Variants in ATP2C2 observed in about 807,000 individuals in gnomAD.
ATP2C2 encodes calcium-transporting ATPase type 2C member 2.
Under a neutral mutation model 110.8 loss-of-function variants are expected in ATP2C2, and 171 were observed. The ratio of observed to expected loss-of-function variants is 1.54; its 90% CI spans 1.36 to 1.75. The LOEUF (loss-of-function observed/expected upper bound fraction) is 1.75, where lower values mean the gene tolerates loss of function less well. Ranked by LOEUF, ATP2C2 falls within the 40% of genes most tolerant of loss-of-function variation. ATP2C2 has a pLI of 0.00. For missense variants in ATP2C2, 1,963 were observed against 1,235.0 expected (o/e 1.59, Z -8.84); for synonymous variants, 804 against 508.4 (o/e 1.58, Z -7.82).
chr16:84,443,194 AAGG>A (rs1046625999), intron 15 of ATP2C2, among the ~76,000 whole-genome samples: 1 of 152,110 alleles, frequency 6.6e-6, no homozygotes, highest in African/African-American at 2.4e-5. Context: ...ACAGGAAAGC[AAGG>A]AGAAGAGAGG....
At chr16:84,402,816 G>A (rs151280603) in intron 2 of ATP2C2, among the ~76,000 whole-genome samples, 569 of 152,248 alleles carry the variant, frequency 3.7e-3, no homozygotes, top group Non-Finnish European at 6.2e-3. Context: ...TAGAATGAAA[G>A]TATTCCCTAC....
chr16:84,434,970 A>G (rs1474283785), intron 11 of ATP2C2, among the ~76,000 whole-genome samples: 3 of 152,234 alleles, frequency 2.0e-5, no homozygotes, highest in Admixed American at 1.3e-4. Flanking sequence ...AGCCTGTGCC[A>G]TAAAACCAAC....
At chr16:84,452,219 A>G in intron 18 of ATP2C2, 128 bp downstream of exon 18, 2 of 1,146,192 alleles carry the variant, frequency 1.7e-6, no homozygotes, top group Non-Finnish European at 2.4e-6. Flanking sequence ...ACAGGCTTAG[A>G]AAAGACGCTG....
intron 17 of ATP2C2, among the ~76,000 whole-genome samples, chr16:84,450,770 G>A (rs1910184924): frequency 6.6e-6 from 1 of 152,048 alleles, no homozygotes; most frequent in Non-Finnish European, 1.5e-5. Context: ...CAAGGCCCAG[G>A]GCAAGCTCAC....
chr16:84,398,612 A>G lies in ATP2C2; in HGVS notation c.210+3A>G. The G allele has an allele frequency of 6.2e-7, 1 of 1,603,040 alleles. No homozygotes were observed. On this transcript the variant is annotated splice_donor_region_variant and intron_variant, in intron 2 of 26. Transcript: ENST00000262429. ...AGGATTTGGCCAGAGCGTTTTGTGTAAGAATTGAATTTGCATCTGGAGCTA... is the reference window on the plus strand; with the variant it reads ...AGGATTTGGCCAGAGCGTTTTGTGTGAGAATTGAATTTGCATCTGGAGCTA...
intron 26 of ATP2C2, chr16:84,462,906 G>T (rs1216036316): frequency 1.3e-5 from 2 of 153,012 alleles, no homozygotes; most frequent in African/African-American, 4.8e-5. Context: ...AGGCTGCAGT[G>T]ACAACGGTCC....
At chr16:84,460,448 G>A (rs1295071268) in intron 23 of ATP2C2, 1 of 684,734 alleles carries the variant, frequency 1.5e-6, no homozygotes, top group Middle Eastern at 2.5e-4. Context: ...CGGGACAGAT[G>A]GAGGGGCACA....
chr16:84,400,322 G>GTT (rs1249570974), intron 2 of ATP2C2, among the ~76,000 whole-genome samples: 4 of 133,426 alleles, frequency 3.0e-5, no homozygotes, highest in Non-Finnish European at 6.1e-5. Flanking sequence ...TGTATTTTTA[G>GTT]TTTTTTGTTG....
chr16:84,442,757 G>T (rs913277410), intron 15 of ATP2C2, among the ~76,000 whole-genome samples, 158 bp downstream of exon 15: 1 of 151,862 alleles, frequency 6.6e-6, no homozygotes, highest in African/African-American at 2.4e-5. Context: ...GTTGGTGGTG[G>T]AGGAGGTGAG....
intron 1 of ATP2C2, among the ~76,000 whole-genome samples, chr16:84,375,674 T>C (rs1368735388): frequency 6.6e-6 from 1 of 152,194 alleles, no homozygotes. Context: ...TATCATTCAG[T>C]GGAAACAGGT....
Position 84,410,582 on chromosome 16 carries a change from G to A in ATP2C2, c.432G>A (p.Val144=), listed in dbSNP as rs1906186741. Residue 144 remains valine (V), a synonymous_variant, in exon 5 of 27, where the codon GTG becomes GTA. Coordinates refer to ENST00000262429, the MANE Select transcript of ATP2C2 (RefSeq NM_014861.4). ...TTGCTGTCTAGGCAGTGCTTGTCGT[G>A]GTCACTGTCGCCTTCATCCAGGTGA... is the stretch of plus-strand genomic sequence containing the variant. The part of the protein sequence containing the change: ...AVSIATAVLV[V]VTVAFIQEYR... 6.2e-7 allele frequency: 1 copy of A among 1,614,046 alleles called. No individual in the cohort carries two copies. The highest frequency in any genetic ancestry group is 8.5e-7 in the Non-Finnish European group (1 of 1,179,984).
rs1427722634 is a variant in ATP2C2 at position 84,452,083 on chromosome 16, T to G, written c.1823T>G (p.Leu608Trp). Reference sequence around the variant, plus strand: ...ACGGGGGATGCCCTGGAGACGGCCTTGGCCATAGGTAACTGGGACAGGGTC... The same window carrying G: ...ACGGGGGATGCCCTGGAGACGGCCTGGGCCATAGGTAACTGGGACAGGGTC... ...MITGDALETA[L>W]AIGRNIGLCN... The change falls in exon 18 of 27, where the codon TTG (leucine) becomes TGG (tryptophan). Residue 608 changes from leucine to tryptophan, a missense_variant. Transcript: ENST00000262429. The G allele has an allele frequency of 2.5e-6, 4 of 1,613,906 alleles. No homozygotes were observed. The highest frequency in any genetic ancestry group is 4.5e-5 in the East Asian group (2 of 44,860).
At position 84,391,712 on chromosome 16, in the gene ATP2C2, C is replaced by G. The variant is rs116392091; in HGVS notation, c.100-6787C>G. On this transcript the variant is annotated intron_variant, in intron 1 of 26. Transcript: ENST00000262429. ...AATGGGAACGTGGCCCTGCCAGCAT[C>G]TTGGTTTCAGAGTTTTAGCTTCCAG... Among the ~76,000 whole-genome samples the G allele has an allele frequency of 5.9e-3, 895 of 152,262 alleles. 6 individuals carry two copies. The highest frequency in any genetic ancestry group is 0.015 in the African/African-American group (611 of 41,528).
chr16:84,375,057 A>G lies in ATP2C2; in HGVS notation c.99+6343A>G, dbSNP rs1202556519. ...AAGGACTTGTCTCATATCAGATACAATGAAAACAAATACTTTAAAACATGA... is the reference window on the plus strand; with the variant it reads ...AAGGACTTGTCTCATATCAGATACAGTGAAAACAAATACTTTAAAACATGA... On this transcript the variant is annotated intron_variant, in intron 1 of 26. Transcript: ENST00000262429. Among the ~76,000 whole-genome samples, 7 of 152,238 alleles carry G rather than the reference A, an allele frequency of 4.6e-5. No individual in the cohort carries two copies. The South Asian group carries it at 1.0e-3, about 23-fold the overall frequency.
chr16:84,385,607 C>G (rs994607760), intron 1 of ATP2C2, among the ~76,000 whole-genome samples: 2 of 152,184 alleles, frequency 1.3e-5, no homozygotes, highest in African/African-American at 4.8e-5. Flanking sequence ...ATATCTGAGA[C>G]TGAGTAATTT....
chr16:84,381,810 A>G (rs1166705524), intron 1 of ATP2C2, among the ~76,000 whole-genome samples: 2 of 152,260 alleles, frequency 1.3e-5, no homozygotes, highest in African/African-American at 2.4e-5. Context: ...ATGAACATCT[A>G]TGGATATACC....
chr16:84,420,606 A>G (rs992299701), intron 7 of ATP2C2, among the ~76,000 whole-genome samples: 1 of 151,876 alleles, frequency 6.6e-6, no homozygotes, highest in Non-Finnish European at 1.5e-5. Context: ...ACTTGGGTAC[A>G]TCGGTCACAA....
At chr16:84,440,293 T>C (rs1450583301) in intron 13 of ATP2C2, among the ~76,000 whole-genome samples, 1 of 152,242 alleles carries the variant, frequency 6.6e-6, no homozygotes, top group Non-Finnish European at 1.5e-5. Context: ...CTCTGCGTGC[T>C]TGGCGTAATT....
chr16:84,408,542 T>A, intron 4 of ATP2C2, 48 bp downstream of exon 4: 1 of 1,464,678 alleles, frequency 6.8e-7, no homozygotes, highest in Non-Finnish European at 9.5e-7. Flanking sequence ...GCCACAGGTC[T>A]GCTGAGTCTC....
Sources: allele counts gnomAD v4.1 joint callset (sites outside exome capture counted in the v4.1 genomes callset), GRCh38; gene constraint gnomAD v4.1.1; transcripts MANE v1.5; gene names NCBI Gene and HGNC (gene_info 2026-07-23, HGNC 2026-07-21).